PDIA4: variants seen among roughly 807,000 people sequenced by gnomAD.
The protein encoded by PDIA4 is protein disulfide-isomerase A4.
A neutral mutation model predicts 62.1 loss-of-function variants in PDIA4; 33 were observed. That is an observed-to-expected ratio of 0.53 (90% CI 0.40 to 0.71). The LOEUF (loss-of-function observed/expected upper bound fraction) is 0.71. Ranked by LOEUF, PDIA4 falls within the 30% of genes least tolerant of loss-of-function variation. The probability of loss-of-function intolerance (pLI) is 0.00; values close to 1 mark genes in which losing one functional copy is unlikely to be tolerated. For synonymous variants in PDIA4, 341 were observed against 324.1 expected (o/e 1.05, Z -0.56); for missense variants, 804 against 813.6 (o/e 0.99, Z 0.14).
At chr7:149,018,031 C>T (rs986037721) in intron 3 of PDIA4, among the ~76,000 whole-genome samples, 1 of 152,124 alleles carries the variant, frequency 6.6e-6, no homozygotes, top group African/African-American at 2.4e-5. Flanking sequence ...AGATCGAGAC[C>T]ATCCTGGCTA....
Position 149,004,039 on chromosome 7 carries a change from A to T in PDIA4, c.1693T>A (p.Tyr565Asn), listed in dbSNP as rs1368625252. 1 of 1,614,210 alleles carries T rather than the reference A, an allele frequency of 6.2e-7. No homozygotes were observed. Among genetic ancestry groups the T allele is most frequent in the South Asian group, 1.1e-5 (1 of 91,082 alleles). Residue 565 changes from tyrosine to asparagine, a missense_variant, in exon 10 of 10, where the codon TAC becomes AAC. Tyr to Asn is a moderately radical substitution (Grantham distance 143, BLOSUM62 -2). Transcript: ENST00000652332. The part of the protein sequence containing the change: ...CGHCKQLEPV[Y>N]NSLAKKYKGQ... ...TTGTACTTCTTGGCCAGGCTGTTGTACACGGGCTCTAGCTGCTTGCAGTGC... is the reference window on the plus strand; with the variant it reads ...TTGTACTTCTTGGCCAGGCTGTTGTTCACGGGCTCTAGCTGCTTGCAGTGC...
At position 149,007,970 on chromosome 7, in the gene PDIA4, C is replaced by G. The variant is rs111852519; in HGVS notation, c.1131+189G>C. On this transcript the variant is annotated intron_variant, in intron 7 of 9. Transcript: ENST00000652332. ...GTGTGCGGGAGCCCCAGCCCTGTCC[C>G]TCCGGCAAAGAGAGACCACAGGCCG... Among the ~76,000 whole-genome samples, 250 of 152,362 alleles carry G rather than the reference C, an allele frequency of 1.6e-3. 1 individual carries two copies. In the Middle Eastern group the frequency reaches 0.031, roughly 19 times the overall value.
intron 1 of PDIA4, 38 bp downstream of exon 1, chr7:149,028,283 G>A (rs1047385693): frequency 2.8e-5 from 41 of 1,460,614 alleles, no homozygotes; most frequent in Non-Finnish European, 3.5e-5. Flanking sequence ...TGCAGCCCCC[G>A]CAAGCACAGC....
chr7:149,006,980 A>G (rs1563119344), intron 7 of PDIA4, among the ~76,000 whole-genome samples: 2 of 152,164 alleles, frequency 1.3e-5, no homozygotes, highest in African/African-American at 2.4e-5. Flanking sequence ...GCACTCACAC[A>G]CAGAGCTGTG....
At chr7:149,021,208 T>C (rs1824337641) in intron 1 of PDIA4, 61 bp from the exon 2 acceptor site, 4 of 1,522,300 alleles carry the variant, frequency 2.6e-6, no homozygotes, top group Admixed American at 2.0e-5. Context: ...AAAACTTTCC[T>C]GGCCGGGCGC....
chr7:149,011,141 G>A (rs1365031316), intron 6 of PDIA4, among the ~76,000 whole-genome samples: 2 of 152,192 alleles, frequency 1.3e-5, no homozygotes, highest in African/African-American at 4.8e-5. Flanking sequence ...ATTATAATCA[G>A]TTAGCACTTA....
chr7:149,005,678 T>A (rs913994645), intron 8 of PDIA4, among the ~76,000 whole-genome samples: 4 of 151,986 alleles, frequency 2.6e-5, no homozygotes, highest in African/African-American at 9.7e-5. Flanking sequence ...ACGTCAACTC[T>A]AAGAGGGTTC....
intron 6 of PDIA4, among the ~76,000 whole-genome samples, chr7:149,008,650 G>C (rs1424408975): frequency 6.6e-6 from 1 of 151,848 alleles, no homozygotes; most frequent in South Asian, 2.1e-4. Context: ...GGACGTTGTA[G>C]TGAGCCGAGA....
chr7:149,025,102 ATATATG>A (rs137946267), intron 1 of PDIA4, among the ~76,000 whole-genome samples: 14,677 of 112,330 alleles, frequency 0.13, 1,243 homozygotes, highest in African/African-American at 0.18. Flanking sequence ...ATATATATAT[ATATATG>A]TATGTCCAGA....
At chr7:149,017,366 C>T (rs1046220607) in intron 3 of PDIA4, among the ~76,000 whole-genome samples, 3 of 152,128 alleles carry the variant, frequency 2.0e-5, no homozygotes, top group African/African-American at 7.2e-5. Flanking sequence ...GGCGGATCAC[C>T]TGAGGTTGGG....
chr7:149,024,814 TAAAA>T (rs539798193), intron 1 of PDIA4, among the ~76,000 whole-genome samples: 7 of 89,396 alleles, frequency 7.8e-5, no homozygotes, highest in Non-Finnish European at 1.0e-4. Flanking sequence ...GACTGTCATT[TAAAA>T]AAAAAAAAAA....
At chr7:149,019,821 T>A (rs545082673) in intron 2 of PDIA4, among the ~76,000 whole-genome samples, 1 of 152,178 alleles carries the variant, frequency 6.6e-6, no homozygotes, top group Non-Finnish European at 1.5e-5. Flanking sequence ...AAAAAAATTT[T>A]TTTTTAATTT....
chr7:149,003,226 C>G lies in PDIA4; in HGVS notation c.*568G>C, dbSNP rs889799073. 5.0e-5 allele frequency: 8 copies of G among 160,952 alleles called. No individual in the cohort carries two copies. Among genetic ancestry groups the G allele is most frequent in the African/African-American group, 1.9e-4 (8 of 41,524 alleles). 10.0% of individuals were successfully genotyped at this position (160,952 alleles called of 1,614,324 possible). On this transcript the variant is annotated 3_prime_UTR_variant, in exon 10 of 10. Coordinates refer to ENST00000652332, the MANE Select transcript of PDIA4 (RefSeq NM_004911.5). ...TGGCCTCTCCCTGGAGCTGAGCCCA[C>G]CCTGGGGGACCCTGGATCATGCCCC...
chr7:149,024,209 T>C (rs1378923770), intron 1 of PDIA4, among the ~76,000 whole-genome samples: 2 of 152,076 alleles, frequency 1.3e-5, no homozygotes, highest in Non-Finnish European at 2.9e-5. Context: ...ATCACACCAT[T>C]GCACCCCAGC....
chr7:149,025,085 A>AAACATATATATAT (rs1554446854), intron 1 of PDIA4, among the ~76,000 whole-genome samples: 1 of 22,336 alleles, frequency 4.5e-5, no homozygotes, highest in African/African-American at 6.1e-5. Flanking sequence ...AAAAAAAAAA[A>AAACATATATATAT]ATATATATAT....
intron 2 of PDIA4, 147 bp downstream of exon 2, chr7:149,020,820 A>T: frequency 7.6e-7 from 1 of 1,316,758 alleles, no homozygotes. Context: ...AGAACGAGTG[A>T]GCTCCCAGCG....
intron 9 of PDIA4, 99 bp downstream of exon 9, chr7:149,005,042 G>A (rs1823693216): frequency 5.8e-6 from 5 of 866,840 alleles, no homozygotes; most frequent in East Asian, 2.4e-5. Context: ...AGGGGGTGTC[G>A]TGCCCGTGGC....
At chr7:149,027,350 T>A (rs1013011200) in intron 1 of PDIA4, among the ~76,000 whole-genome samples, 7 of 152,216 alleles carry the variant, frequency 4.6e-5, no homozygotes, top group Admixed American at 6.5e-5. Context: ...GGGCAAAGAC[T>A]CTTTTTGAAT....
In PDIA4 at chr7:149,012,396, C is replaced by T. The variant is rs768818391; in HGVS notation, c.615-36G>A. ...GAAACTGGTTTGTCAGGGGCTCATT[C>T]TAGTGTGGACTCACTTTCTAGCTAA... On this transcript the variant is annotated intron_variant, in intron 4 of 9. Coordinates refer to ENST00000652332, the MANE Select transcript of PDIA4 (RefSeq NM_004911.5). 3.2e-6 allele frequency: 5 copies of T among 1,546,632 alleles called. No individual in the cohort carries two copies. In the Admixed American group the frequency reaches 8.4e-5, roughly 26 times the overall value.
Sources: allele counts gnomAD v4.1 joint callset (sites outside exome capture counted in the v4.1 genomes callset), GRCh38; gene constraint gnomAD v4.1.1; transcripts MANE v1.5; gene names NCBI Gene and HGNC (gene_info 2026-07-23, HGNC 2026-07-21).